Variants in INKA2 observed in about 807,000 individuals in gnomAD.
INKA2 encodes PAK4-inhibitor INKA2.
In INKA2, 3 loss-of-function variants were observed where a neutral mutation model predicts 9.8. That is an observed-to-expected ratio of 0.31 (90% CI 0.14 to 0.79). The LOEUF (loss-of-function observed/expected upper bound fraction) is 0.79. Ranked by LOEUF, INKA2 falls within the 30% of genes least tolerant of loss-of-function variation. INKA2 has a pLI of 0.62. For missense variants in INKA2, 392 were observed against 384.4 expected (o/e 1.02, Z -0.17); for synonymous variants, 147 against 143.3 (o/e 1.03, Z -0.18).
Position 111,724,558 on chromosome 1 carries a change from C to G in INKA2, c.*2410G>C, listed in dbSNP as rs558877038. The G allele has an allele frequency of 7.6e-6, 1 of 131,242 alleles. No homozygotes were observed. Among genetic ancestry groups the G allele is most frequent in the Admixed American group, 7.7e-5 (1 of 13,022 alleles). 8.1% of individuals were successfully genotyped at this position (131,242 alleles called of 1,614,324 possible). A position where few individuals can be genotyped will look rare whatever the true frequency, so the allele number is the denominator to read the frequency against. ...AATCTTAACATGCAGTTTCTTAGCACGCGCAGGCACACACACACACACACA... is the reference window on the plus strand; with the variant it reads ...AATCTTAACATGCAGTTTCTTAGCAGGCGCAGGCACACACACACACACACA... On this transcript the variant is annotated 3_prime_UTR_variant, in exon 2 of 2. Transcript: ENST00000357260.
At position 111,727,133 on chromosome 1, in the gene INKA2, G is replaced by T; in HGVS notation, c.729C>A (p.Gly243=). 1 of 1,614,224 alleles carries T rather than the reference G, an allele frequency of 6.2e-7. No homozygotes were observed. Among genetic ancestry groups the T allele is most frequent in the Non-Finnish European group, 8.5e-7 (1 of 1,180,042 alleles). ...VTPMVPESRT[G]RSQKVKKRSL... ...TCCGCTTCTTGACCTTCTGTGAGCG[G>T]CCGGTTCGGGACTCAGGGACCATGG... The change falls in exon 2 of 2, where the codon GGC becomes GGA. Residue 243 remains glycine (G), a synonymous_variant. Transcript: ENST00000357260.
chr1:111,731,854 C>A (rs1557910273), intron 1 of INKA2, among the ~76,000 whole-genome samples: 2 of 152,224 alleles, frequency 1.3e-5, no homozygotes, highest in Non-Finnish European at 2.9e-5. Context: ...GGGTTCCATT[C>A]CTTATATCTG....
intron 1 of INKA2, chr1:111,753,898 G>A (rs1442445330): frequency 6.6e-6 from 1 of 152,272 alleles, no homozygotes; most frequent in Non-Finnish European, 1.5e-5. Flanking sequence ...ATAAAAAAGG[G>A]TATCAAAAGG....
intron 1 of INKA2, among the ~76,000 whole-genome samples, chr1:111,728,778 T>C (rs1448103360): frequency 6.6e-6 from 1 of 152,128 alleles, no homozygotes; most frequent in Non-Finnish European, 1.5e-5. Context: ...ATTGTATATA[T>C]ACAAATATTC....
In INKA2 at chr1:111,725,909, A is replaced by AT. The variant is rs1179169733; in HGVS notation, c.*1058dup. ...CACCACGCCTGGCTAATTTTTACGT[A>AT]TTTTTTTAGTAGAGACGGGGTTTCA... is the stretch of plus-strand genomic sequence containing the variant. On this transcript the variant is annotated 3_prime_UTR_variant, in exon 2 of 2. Coordinates refer to ENST00000357260, the MANE Select transcript of INKA2 (RefSeq NM_019099.5). 1.4e-5 allele frequency: 5 copies of AT among 360,454 alleles called. No homozygotes were observed. The highest frequency in any genetic ancestry group is 1.4e-3 in the Middle Eastern group (2 of 1,402). The allele number at this position is 360,454 out of a possible 1,614,324, so 22.3% of individuals were successfully genotyped here.
chr1:111,728,998 C>CT (rs1212305776), intron 1 of INKA2, among the ~76,000 whole-genome samples: 1 of 150,026 alleles, frequency 6.7e-6, no homozygotes, highest in Non-Finnish European at 1.5e-5. Flanking sequence ...ACGGCAGCCT[C>CT]TAACTCCTGG....
rs1662740594 is a variant in INKA2 at position 111,725,241 on chromosome 1, T to C, written c.*1727A>G. On this transcript the variant is annotated 3_prime_UTR_variant, in exon 2 of 2. Transcript: ENST00000357260. The stretch of plus-strand genomic sequence containing the variant: ...GGGTGGGAAGGAATCCTGCCTCTAA[T>C]TGCAGCTGTCACACCCCATCAGGCT... 6.6e-6 allele frequency: 1 copy of C among 152,296 alleles called. No individual in the cohort carries two copies. The highest frequency in any genetic ancestry group is 2.1e-4 in the South Asian group (1 of 4,834). 9.4% of individuals were successfully genotyped at this position (152,296 alleles called of 1,614,324 possible).
chr1:111,727,318 C>T lies in INKA2; in HGVS notation c.544G>A (p.Gly182Ser), dbSNP rs751212229. The change falls in exon 2 of 2, where the codon GGT becomes AGT. Residue 182 changes from glycine (G) to serine (S), a missense_variant. Physicochemically the swap from Gly to Ser is moderately conservative, Grantham distance 56. Transcript: ENST00000357260. ...GGTTCACGTGCCCCCCCAGTCTCAC[C>T]CTTCTCCCCACCCTTCTCCAGTTCT... ...LPELEKGGEK[G>S]ETGGAREPKG... 1.2e-6 allele frequency: 2 copies of T among 1,614,178 alleles called. No homozygotes were observed. The highest frequency in any genetic ancestry group is 1.7e-6 in the Non-Finnish European group (2 of 1,180,014).
chr1:111,744,827 G>A (rs894912581), intron 1 of INKA2, among the ~76,000 whole-genome samples: 2 of 151,976 alleles, frequency 1.3e-5, no homozygotes, highest in Non-Finnish European at 2.9e-5. Context: ...TGATCTGCCC[G>A]CCTCGTGCTT....
Position 111,724,607 on chromosome 1 carries a change from TACC to T in INKA2, c.*2358_*2360del, listed in dbSNP as rs1173415319. 58 of 146,912 alleles carry T rather than the reference TACC, an allele frequency of 3.9e-4. No homozygotes were observed. The highest frequency in any genetic ancestry group is 5.4e-4 in the Non-Finnish European group (36 of 66,938). The allele number at this position is 146,912 out of a possible 1,614,324, so 9.1% of individuals were successfully genotyped here. On this transcript the variant is annotated 3_prime_UTR_variant, in exon 2 of 2. Coordinates refer to ENST00000357260, the MANE Select transcript of INKA2 (RefSeq NM_019099.5). ...CACACACACACACACACACCACCAC[TACC>T]ACCACCACCACCACCACCTCCACCA...
At chr1:111,749,544 C>T (rs1663354102) in intron 1 of INKA2, among the ~76,000 whole-genome samples, 1 of 152,242 alleles carries the variant, frequency 6.6e-6, no homozygotes, top group Non-Finnish European at 1.5e-5. Flanking sequence ...TTAACCCTTT[C>T]ATTTCCCTCT....
At chr1:111,750,858 T>C (rs1186496908) in intron 1 of INKA2, among the ~76,000 whole-genome samples, 2 of 152,236 alleles carry the variant, frequency 1.3e-5, no homozygotes, top group Non-Finnish European at 2.9e-5. Flanking sequence ...CTCCTTAATA[T>C]AGGGCCAGTA....
chr1:111,755,433 C>G (rs197390), intron 1 of INKA2: 7,049 of 525,944 alleles, frequency 0.013, 410 homozygotes, highest in African/African-American at 0.13. Flanking sequence ...TCTGCGCGCT[C>G]TCTGCCAGCA....
At chr1:111,728,070 C>CACACACACACACACACACACATAT (rs1184555425) in intron 1 of INKA2, among the ~76,000 whole-genome samples, 1 of 148,164 alleles carries the variant, frequency 6.7e-6, no homozygotes, top group African/African-American at 2.5e-5. Context: ...CACACACACA[C>CACACACACACACACACACACATAT]ACAGACATTT....
chr1:111,739,234 C>T lies in INKA2; in HGVS notation c.9G>A (p.Met3Ile), dbSNP rs1169423012. 1.2e-6 allele frequency: 2 copies of T among 1,613,676 alleles called. No individual in the cohort carries two copies. The highest frequency in any genetic ancestry group is 1.7e-6 in the Non-Finnish European group (2 of 1,179,794). The change falls in exon 1 of 2, where the codon ATG becomes ATA. Residue 3 changes from methionine to isoleucine, a missense_variant. By Grantham distance (10) the Met-to-Ile change is conservative (BLOSUM62 1). Coordinates refer to ENST00000357260, the MANE Select transcript of INKA2 (RefSeq NM_019099.5). MTMESREMDCYLR... is the reference protein window; with the variant it reads MTIESREMDCYLR... The stretch of plus-strand genomic sequence containing the variant: ...GATAGCAGTCCATTTCCCTGCTCTC[C>T]ATCGTCATGCGCCCATTTGTCGGGT...
chr1:111,744,081 G>C (rs1462867408), upstream of INKA2, among the ~76,000 whole-genome samples: 1 of 152,194 alleles, frequency 6.6e-6, no homozygotes, highest in Admixed American at 6.5e-5. Context: ...CTGAGGCCCA[G>C]CTATTCTTGA....
intron 1 of INKA2, among the ~76,000 whole-genome samples, chr1:111,749,784 C>T (rs1463815437): frequency 6.6e-6 from 1 of 152,200 alleles, no homozygotes; most frequent in Non-Finnish European, 1.5e-5. Context: ...AGATATCCAG[C>T]AGACACCACC....
At chr1:111,738,298 G>T (rs749244877) in intron 1 of INKA2, among the ~76,000 whole-genome samples, 26 of 152,180 alleles carry the variant, frequency 1.7e-4, no homozygotes, top group Non-Finnish European at 2.9e-4. Flanking sequence ...GGCAGGTGGC[G>T]TGGGGGCGGG....
chr1:111,748,745 G>C (rs750368424), intron 1 of INKA2, among the ~76,000 whole-genome samples: 1 of 152,118 alleles, frequency 6.6e-6, no homozygotes. Context: ...CAAGGTTCTG[G>C]GAGAGGTTTG....
Sources: allele counts gnomAD v4.1 joint callset (sites outside exome capture counted in the v4.1 genomes callset), GRCh38; gene constraint gnomAD v4.1.1; transcripts MANE v1.5; gene names NCBI Gene and HGNC (gene_info 2026-07-23, HGNC 2026-07-21).